Variants in FAM163A observed in about 807,000 individuals in gnomAD.
FAM163A encodes the protein family with sequence similarity 163 member A.
A neutral mutation model predicts 12.0 loss-of-function variants in FAM163A; 7 were observed. The ratio of observed to expected loss-of-function variants is 0.58; its 90% CI spans 0.33 to 1.10. The LOEUF (loss-of-function observed/expected upper bound fraction) is 1.10. Ranked by LOEUF, FAM163A falls within the 50% of genes least tolerant of loss-of-function variation. The probability of loss-of-function intolerance (pLI) is 0.03; values close to 1 mark genes in which losing one functional copy is unlikely to be tolerated. For missense variants in FAM163A, 202 were observed against 218.6 expected, an observed-to-expected ratio of 0.92 and a Z score of 0.48; for synonymous variants, 101 against 91.0, an observed-to-expected ratio of 1.11 and a Z score of -0.62.
chr1:179,813,739 G>A (rs958753470), intron 4 of FAM163A, 40 bp from the exon 5 acceptor site: 10 of 1,609,356 alleles, frequency 6.2e-6, no homozygotes, highest in African/African-American at 5.3e-5. Flanking sequence ...GGCGGGGGGA[G>A]CATTCACCCT....
intron 2 of FAM163A, among the ~76,000 whole-genome samples, chr1:179,808,996 A>G (rs149129125): frequency 5.6e-4 from 86 of 152,296 alleles, no homozygotes; most frequent in African/African-American, 2.0e-3. Context: ...GGTCCCAGCT[A>G]CTTGGGAGGC....
At chr1:179,749,519 G>A (rs1170595624) in intron 1 of FAM163A, among the ~76,000 whole-genome samples, 2 of 152,198 alleles carry the variant, frequency 1.3e-5, no homozygotes, top group Admixed American at 1.3e-4. Context: ...AAACTGTGGG[G>A]CTTTTTGGAG....
the FAM163A span, among the ~76,000 whole-genome samples, chr1:179,735,274 T>A: frequency 6.6e-6 from 1 of 152,192 alleles, no homozygotes; most frequent in Non-Finnish European, 1.5e-5. Context: ...GTTTAAAATC[T>A]TCTTAAAAGC....
chr1:179,745,645 A>G (rs1684365568), intron 1 of FAM163A, among the ~76,000 whole-genome samples: 1 of 152,230 alleles, frequency 6.6e-6, no homozygotes, highest in Non-Finnish European at 1.5e-5. Flanking sequence ...CCTGGTGATT[A>G]TTAACATTAA....
intron 1 of FAM163A, among the ~76,000 whole-genome samples, chr1:179,783,129 TA>T (rs11378381): frequency 1.2e-3 from 175 of 141,244 alleles, no homozygotes; most frequent in Admixed American, 2.6e-3. Flanking sequence ...AACTCCGTCT[TA>T]AAAAAAAAAA....
chr1:179,751,723 G>A (rs1685298837), intron 1 of FAM163A, among the ~76,000 whole-genome samples: 1 of 152,112 alleles, frequency 6.6e-6, no homozygotes, highest in African/African-American at 2.4e-5. Flanking sequence ...AAGCCAGTGT[G>A]GAGAACATAG....
intron 1 of FAM163A, among the ~76,000 whole-genome samples, chr1:179,746,091 T>C (rs765685926): frequency 5.3e-5 from 8 of 152,230 alleles, no homozygotes; most frequent in Non-Finnish European, 7.3e-5. Context: ...ATCTTTCAAC[T>C]AGCAAACATC....
At chr1:179,748,098 C>T (rs1260178082) in intron 1 of FAM163A, among the ~76,000 whole-genome samples, 1 of 152,106 alleles carries the variant, frequency 6.6e-6, no homozygotes, top group East Asian at 1.9e-4. Flanking sequence ...GCAAGGTGGC[C>T]ACTAAGCCCC....
At chr1:179,781,198 T>C (rs1689677040) in intron 1 of FAM163A, among the ~76,000 whole-genome samples, 1 of 152,018 alleles carries the variant, frequency 6.6e-6, no homozygotes. Flanking sequence ...CTTTTTAGGG[T>C]GATGAAAATA....
In FAM163A at chr1:179,815,505, C is replaced by T. The variant is rs1695245175; in HGVS notation, c.*1316C>T. The T allele has an allele frequency of 1.3e-5, 2 of 152,298 alleles. No individual in the cohort carries two copies. The highest frequency in any genetic ancestry group is 1.3e-4 in the Admixed American group (2 of 15,284). 9.4% of individuals were successfully genotyped at this position (152,298 alleles called of 1,614,324 possible). A position where few individuals can be genotyped will look rare whatever the true frequency, so the allele number is the denominator to read the frequency against. On this transcript the variant is annotated 3_prime_UTR_variant, in exon 5 of 5. Coordinates refer to ENST00000341785, the MANE Select transcript of FAM163A (RefSeq NM_173509.3). ...TAGCCTTGGGATTCCACGCTCGCCG[C>T]CCTCCCTTGGCCGCCCTACTCCCCA...
chr1:179,782,319 G>A (rs560449301), intron 1 of FAM163A, among the ~76,000 whole-genome samples: 8 of 152,198 alleles, frequency 5.3e-5, no homozygotes, highest in Admixed American at 3.9e-4. Context: ...CAATGTAGAG[G>A]GGATGAGACG....
At chr1:179,772,520 T>G (rs1407654858) in intron 1 of FAM163A, among the ~76,000 whole-genome samples, 3 of 152,224 alleles carry the variant, frequency 2.0e-5, no homozygotes, top group Non-Finnish European at 4.4e-5. Context: ...AATCTGCTGA[T>G]TCAGAAACTC....
chr1:179,787,050 C>T (rs1046194907), intron 1 of FAM163A, among the ~76,000 whole-genome samples: 1 of 152,226 alleles, frequency 6.6e-6, no homozygotes, highest in African/African-American at 2.4e-5. Context: ...AATTAAAGTC[C>T]ATTAGCAAAC....
At chr1:179,774,469 G>A (rs767062849) in intron 1 of FAM163A, among the ~76,000 whole-genome samples, 22 of 152,110 alleles carry the variant, frequency 1.4e-4, no homozygotes, top group South Asian at 2.1e-4. Context: ...TTTTTTCTCC[G>A]GGAAGACTGT....
intron 1 of FAM163A, among the ~76,000 whole-genome samples, chr1:179,778,684 G>A (rs1210887421): frequency 6.6e-6 from 1 of 152,200 alleles, no homozygotes; most frequent in East Asian, 1.9e-4. Context: ...TGTGGGGAAA[G>A]GTACACGGAT....
At chr1:179,731,395 C>G in the FAM163A span, among the ~76,000 whole-genome samples, 6 of 151,280 alleles carry the variant, frequency 4.0e-5, no homozygotes, top group African/African-American at 7.4e-5. Flanking sequence ...GATGTGAGAG[C>G]CTCAGAGAGC....
rs4059257 is a variant in FAM163A at position 179,815,883 on chromosome 1, CTG to C, written c.*1695_*1696del. The C allele has an allele frequency of 0.17, 25,240 of 152,166 alleles. 2,223 individuals are homozygous for C. The highest frequency in any genetic ancestry group is 0.22 in the Middle Eastern group (64 of 296). The allele number at this position is 152,166 out of a possible 1,614,324, so 9.4% of individuals were successfully genotyped here. On this transcript the variant is annotated 3_prime_UTR_variant, in exon 5 of 5. Transcript: ENST00000341785. ...GGCACCTGTCACCTTACATCTCAAT[CTG>C]GAATCAAAGTGCCCTGGGTTGAGAA...
At position 179,814,356 on chromosome 1, in the gene FAM163A, G is replaced by A. The variant is rs1695113573; in HGVS notation, c.*167G>A. On this transcript the variant is annotated 3_prime_UTR_variant, in exon 5 of 5. Transcript: ENST00000341785. ...GGATTTAAGCTTTTGAGTGCATTGA[G>A]AACCAAGACAGGGCCTGGCTCCAAC... 1 of 927,846 alleles carries A rather than the reference G, an allele frequency of 1.1e-6. No homozygotes were observed. The highest frequency in any genetic ancestry group is 1.7e-5 in the African/African-American group (1 of 59,550). The allele number at this position is 927,846 out of a possible 1,614,324, so 57.5% of individuals were successfully genotyped here. A position where few individuals can be genotyped will look rare whatever the true frequency, so the allele number is the denominator to read the frequency against.
chr1:179,790,702 A>C (rs1416005447), intron 1 of FAM163A, among the ~76,000 whole-genome samples: 3 of 152,172 alleles, frequency 2.0e-5, no homozygotes, highest in African/African-American at 7.2e-5. Context: ...CTGCCTGTCA[A>C]CTTTGAAGAC....
Sources: allele counts gnomAD v4.1 joint callset (sites outside exome capture counted in the v4.1 genomes callset), GRCh38; gene constraint gnomAD v4.1.1; transcripts MANE v1.5; gene names NCBI Gene and HGNC (gene_info 2026-07-23, HGNC 2026-07-21).